The following IRX2 variants were observed in gnomAD, a reference collection of about 807,000 sequenced individuals.
The protein encoded by IRX2 is iroquois homeobox 2.
IRX2 carries 26 observed loss-of-function variants against 42.9 expected under a neutral mutation model. That is an observed-to-expected ratio of 0.61 (90% confidence interval 0.44 to 0.84). The LOEUF (loss-of-function observed/expected upper bound fraction) is 0.84, where lower values mean the gene tolerates loss of function less well. IRX2 is among the 40% of genes least tolerant of loss of function. The probability of loss-of-function intolerance (pLI) is 0.00; values close to 1 mark genes in which losing one functional copy is unlikely to be tolerated. For missense variants in IRX2, 782 were observed against 713.9 expected, an observed-to-expected ratio of 1.10 and a Z score of -1.09; for synonymous variants, 424 against 353.9, an observed-to-expected ratio of 1.20 and a Z score of -2.22.
At chr5:2,749,354 G>C (rs1431510929) in intron 2 of IRX2, 28 bp downstream of exon 2, 2 of 1,565,450 alleles carry the variant, frequency 1.3e-6, no homozygotes, top group South Asian at 1.2e-5. Context: ...AGCGCCCCGA[G>C]ACCTTGCGCC....
chr5:2,749,976 G>C (rs1020628025), intron 1 of IRX2, among the ~76,000 whole-genome samples, 189 bp from the exon 2 acceptor site: 1 of 152,202 alleles, frequency 6.6e-6, no homozygotes, highest in Admixed American at 6.5e-5. Context: ...ATCACAAAAA[G>C]TACCGGAGTT....
In IRX2 at chr5:2,749,596, C is replaced by G; in HGVS notation, c.441G>C (p.Lys147Asn). 6.2e-7 allele frequency: 1 copy of G among 1,614,230 alleles called. No homozygotes were observed. The highest frequency in any genetic ancestry group is 8.5e-7 in the Non-Finnish European group (1 of 1,180,046). ...RKNPYPTKGE[K>N]IMLAIITKMT... The stretch of plus-strand genomic sequence containing the variant: ...TCTTGGTGATGATGGCTAGCATGAT[C>G]TTCTCGCCCTTGGTGGGGTAGGGGT... Residue 147 changes from lysine (K) to asparagine (N), a missense_variant, in exon 2 of 4, where the codon AAG becomes AAC. By Grantham distance (94) the Lys-to-Asn change is moderately conservative. Transcript: ENST00000302057.
At chr5:2,740,553 G>A in the IRX2 span, among the ~76,000 whole-genome samples, 1 of 152,224 alleles carries the variant, frequency 6.6e-6, no homozygotes, top group African/African-American at 2.4e-5. Context: ...CTGGAGAGCC[G>A]GGAGCAACCC....
chr5:2,749,108 C>T lies in IRX2; in HGVS notation c.656-56G>A. ...GAGGGGACAGCGCAGGCACCTGGAG[C>T]CCCCTCCGCCCCCTGTCCTGCGGCA... On this transcript the variant is annotated intron_variant, in intron 2 of 3. Transcript: ENST00000302057. The T allele has an allele frequency of 4.5e-6, 7 of 1,558,738 alleles. No homozygotes were observed. The South Asian group carries it at 6.9e-5, about 15-fold the overall frequency.
rs2111454166 is a variant in IRX2, at chr5:2,751,083, G to C, written c.249+82C>G. 2.5e-6 allele frequency: 3 copies of C among 1,185,750 alleles called. No individual in the cohort carries two copies. Among genetic ancestry groups the C allele is most frequent in the East Asian group, 3.7e-5 (1 of 27,378 alleles). 73.5% of individuals were successfully genotyped at this position (1,185,750 alleles called of 1,614,324 possible). On this transcript the variant is annotated intron_variant, in intron 1 of 3. Transcript: ENST00000302057. This position sits in a 1 kb window ranked among gnomAD's most constrained non-coding sequence, Gnocchi z 4.0. ...GCCACATTCCCGGCGGCCCCCGCCC[G>C]CCGAACCCGAGCCCCGCTCCGCCTG...
chr5:2,749,855 A>T, intron 1 of IRX2, 68 bp from the exon 2 acceptor site: 1 of 1,452,014 alleles, frequency 6.9e-7, no homozygotes, highest in Non-Finnish European at 9.1e-7. Flanking sequence ...AGAGGATGCC[A>T]CCCCTCCGCC....
chr5:2,742,321 T>A (rs1169672530), downstream of IRX2, among the ~76,000 whole-genome samples: 1 of 152,216 alleles, frequency 6.6e-6, no homozygotes, highest in Non-Finnish European at 1.5e-5. Flanking sequence ...TTATGGCCAA[T>A]AGATAGTAAT....
downstream of IRX2, among the ~76,000 whole-genome samples, chr5:2,744,644 C>T (rs1737617967): frequency 6.6e-6 from 1 of 152,196 alleles, no homozygotes; most frequent in Admixed American, 6.5e-5. Flanking sequence ...AGTGGCAAAG[C>T]TTACCATGTG....
At chr5:2,739,119 T>C in the IRX2 span, among the ~76,000 whole-genome samples, 3 of 152,174 alleles carry the variant, frequency 2.0e-5, no homozygotes, top group African/African-American at 7.2e-5. Flanking sequence ...ACGCGCTTTG[T>C]AGGGCCTGTG....
downstream of IRX2, among the ~76,000 whole-genome samples, chr5:2,742,692 T>C (rs1286656659): frequency 6.6e-6 from 1 of 152,246 alleles, no homozygotes; most frequent in Non-Finnish European, 1.5e-5. Flanking sequence ...AAAAATTATA[T>C]AGTGATAATT....
At chr5:2,741,033 T>A (rs1169504111), downstream of IRX2, among the ~76,000 whole-genome samples, 1 of 152,214 alleles carries the variant, frequency 6.6e-6, no homozygotes, top group Non-Finnish European at 1.5e-5. Context: ...CCTTGCTGGG[T>A]GCAGAGCCGG....
the IRX2 span, among the ~76,000 whole-genome samples, chr5:2,739,733 A>G: frequency 6.6e-6 from 1 of 152,158 alleles, no homozygotes; most frequent in African/African-American, 2.4e-5. Flanking sequence ...CGCGGTTCCC[A>G]GAGTCCAGAG....
intron 1 of IRX2, among the ~76,000 whole-genome samples, chr5:2,750,677 C>T (rs957436113): frequency 1.3e-5 from 2 of 152,386 alleles, no homozygotes; most frequent in South Asian, 2.1e-4. Flanking sequence ...TGCTCGGCTC[C>T]TGGGCCTAAC....
In IRX2 at chr5:2,748,473, G is replaced by A; in HGVS notation, c.1235C>T (p.Ser412Phe). 3 of 1,576,928 alleles carry A rather than the reference G, an allele frequency of 1.9e-6. No homozygotes were observed. Among genetic ancestry groups the A allele is most frequent in the Non-Finnish European group, 2.6e-6 (3 of 1,164,146 alleles). Reference protein sequence around the residue: ...LQGQGLLRYNSAAAAPGEALH... With the variant: ...LQGQGLLRYNFAAAAPGEALH... ...GGCCTCGCCGGGGGCCGCGGCCGCA[G>A]AGTTGTACCGCAGGAGACCCTGGCC... Residue 412 changes from serine to phenylalanine, a missense_variant, in exon 3 of 4, where the codon TCT becomes TTT. Ser to Phe is a radical substitution (Grantham distance 155). Around this residue, in one of 3 missense-constraint regions of IRX2, gnomAD observed 520 missense variants for 437.8 expected, o/e 1.19. Transcript: ENST00000302057.
rs5865445 is a variant in IRX2, at chr5:2,746,745, C to CTTTTTTTTTT, written c.*809_*818dup. The CTTTTTTTTTT allele has an allele frequency of 1.8e-5, 2 of 110,388 alleles. 1 individual carries two copies. The highest frequency in any genetic ancestry group is 3.5e-5 in the Non-Finnish European group (2 of 57,050). 6.8% of individuals were successfully genotyped at this position (110,388 alleles called of 1,614,324 possible). A position where few individuals can be genotyped will look rare whatever the true frequency, so the allele number is the denominator to read the frequency against. ...TTGGGAAGAGAGAATGGCCTGCTGA[C>CTTTTTTTTTT]TTTTTTTTTTTTTTTTTTTTCAAAG... On this transcript the variant is annotated 3_prime_UTR_variant, in exon 4 of 4. Coordinates refer to ENST00000302057, the MANE Select transcript of IRX2 (RefSeq NM_033267.5).
At position 2,747,360 on chromosome 5, in the gene IRX2, G is replaced by A; in HGVS notation, c.*204C>T. On this transcript the variant is annotated 3_prime_UTR_variant, in exon 4 of 4. Coordinates refer to ENST00000302057, the MANE Select transcript of IRX2 (RefSeq NM_033267.5). ...CCTAGGTAAAGGAGTGATAGAACTT[G>A]TGCCAAAAAGAGGGAATCTATAAAA... 2.1e-6 allele frequency: 1 copy of A among 473,928 alleles called. No homozygotes were observed. The highest frequency in any genetic ancestry group is 1.9e-5 in the African/African-American group (1 of 51,644). 29.4% of individuals were successfully genotyped at this position (473,928 alleles called of 1,614,324 possible).
At chr5:2,750,206 G>C (rs1039661675) in intron 1 of IRX2, among the ~76,000 whole-genome samples, 3 of 151,982 alleles carry the variant, frequency 2.0e-5, no homozygotes, top group Non-Finnish European at 4.4e-5. Context: ...AAACACCCCA[G>C]AGCCCCCAAT....
Position 2,747,515 on chromosome 5 carries a change from TG to T in IRX2, c.*48del. On this transcript the variant is annotated 3_prime_UTR_variant, in exon 4 of 4. Coordinates refer to ENST00000302057, the MANE Select transcript of IRX2 (RefSeq NM_033267.5). ...TGGTGCTGGGAGGCTCCACAGGGTC[TG>T]GGAAGCACCAGGGTGCCCACTTACT... 6.4e-7 allele frequency: 1 copy of T among 1,567,756 alleles called. No individual in the cohort carries two copies.
In IRX2 at chr5:2,749,759, C is replaced by G; in HGVS notation, c.278G>C (p.Gly93Ala). The G allele has an allele frequency of 6.2e-7, 1 of 1,610,770 alleles. No individual in the cohort carries two copies. Among genetic ancestry groups the G allele is most frequent in the Non-Finnish European group, 8.5e-7 (1 of 1,178,348 alleles). ...MGAPYDAHTT[G>A]MTGAISYHPY... Reference sequence around the variant, plus strand: ...GTGGTAGCTGATGGCGCCGGTCATGCCGGTGGTGTGCGCGTCGTAGGGTGC... The same window carrying G: ...GTGGTAGCTGATGGCGCCGGTCATGGCGGTGGTGTGCGCGTCGTAGGGTGC... The change falls in exon 2 of 4, where the codon GGC becomes GCC. Residue 93 changes from glycine (G) to alanine (A), a missense_variant. Physicochemically the swap from Gly to Ala is moderately conservative, Grantham distance 60. Around this residue, in one of 3 missense-constraint regions of IRX2, gnomAD observed 256 missense variants for 250.0 expected, o/e 1.02. Transcript: ENST00000302057.
Sources: allele counts gnomAD v4.1 joint callset (sites outside exome capture counted in the v4.1 genomes callset), GRCh38; gene constraint gnomAD v4.1.1; regional missense constraint gnomAD v4.1.1; non-coding constraint Gnocchi (gnomAD v3.1); transcripts MANE v1.5; gene names NCBI Gene and HGNC (gene_info 2026-07-23, HGNC 2026-07-21).